The following MYOCD variants were observed in gnomAD, a reference collection of about 807,000 sequenced individuals.
MYOCD encodes myocardin.
MYOCD carries 32 observed loss-of-function variants against 96.1 expected under a neutral mutation model. That is an observed-to-expected ratio of 0.33 (90% CI 0.25 to 0.45). The LOEUF is 0.45. MYOCD is among the 20% of genes least tolerant of loss of function. MYOCD has a pLI of 1.00. For synonymous variants in MYOCD, 469 were observed against 469.0 expected (o/e 1.00, Z 0.00); for missense variants, 1,133 against 1,200.6 (o/e 0.94, Z 0.83).
chr17:12,728,213 A>G (rs1050254383), intron 5 of MYOCD, among the ~76,000 whole-genome samples: 1 of 151,980 alleles, frequency 6.6e-6, no homozygotes, highest in East Asian at 1.9e-4. Flanking sequence ...AGACCCCTAC[A>G]GGCTTACTTC....
At chr17:12,749,697 G>GGATACATATGTGTATATATA (rs2032781544) in intron 9 of MYOCD, among the ~76,000 whole-genome samples, 1 of 3,806 alleles carries the variant, frequency 2.6e-4, no homozygotes, top group African/African-American at 4.9e-4. Context: ...GTGTATATAT[G>GGATACATATGTGTATATATA]TATACATATG....
At position 12,752,735 on chromosome 17, in the gene MYOCD, G is replaced by C; in HGVS notation, c.1447G>C (p.Gly483Arg). ...DTFNDASPSF[G>R]LHPSPVHVCT... is the part of the protein sequence containing the mutation. ...CTTCAATGATGCCTCCCCCTCCTTCGGCCTGCACCCGTCCCCAGTCCACGT... is the reference window on the plus strand; with the variant it reads ...CTTCAATGATGCCTCCCCCTCCTTCCGCCTGCACCCGTCCCCAGTCCACGT... The change falls in exon 10 of 14, where the codon GGC becomes CGC. Residue 483 changes from glycine (G) to arginine (R), a missense_variant. By Grantham distance (125) the Gly-to-Arg change is moderately radical (BLOSUM62 -2). Coordinates refer to ENST00000425538, the MANE Select transcript of MYOCD (RefSeq NM_001146312.3). 2 of 1,614,014 alleles carry C rather than the reference G, an allele frequency of 1.2e-6. No homozygotes were observed. The highest frequency in any genetic ancestry group is 1.7e-6 in the Non-Finnish European group (2 of 1,179,992).
In MYOCD at chr17:12,739,198, T is replaced by G. The variant is rs1567593389; in HGVS notation, c.592-5T>G. ...TTCCTAATATCGGTAACATTTGGAT[T>G]TCAGGATCTTGCTTCTGGCTCAGAA... On this transcript the variant is annotated splice_region_variant and splice_polypyrimidine_tract_variant and intron_variant, in intron 6 of 13. Transcript: ENST00000425538. 2 of 1,604,218 alleles carry G rather than the reference T, an allele frequency of 1.2e-6. No individual in the cohort carries two copies. The highest frequency in any genetic ancestry group is 1.7e-6 in the Non-Finnish European group (2 of 1,176,332).
chr17:12,712,896 G>A (rs1205170920), intron 2 of MYOCD, among the ~76,000 whole-genome samples: 1 of 152,130 alleles, frequency 6.6e-6, no homozygotes, highest in Admixed American at 6.5e-5. Flanking sequence ...AGCAGAAGTG[G>A]TTTTTTGTGT....
At chr17:12,718,998 A>G (rs974966135) in intron 4 of MYOCD, among the ~76,000 whole-genome samples, 1 of 151,164 alleles carries the variant, frequency 6.6e-6, no homozygotes, top group Admixed American at 6.6e-5. Flanking sequence ...ACACCGTGAA[A>G]CCCCATCTCT....
chr17:12,749,717 A>ATACATATATGTATATATATG lies in MYOCD; in HGVS notation c.1126-2696_1126-2695insACATATATGTATATATATGT, dbSNP rs548373868. 6.0e-4 allele frequency among the ~76,000 whole-genome samples: 88 copies of ATACATATATGTATATATATG among 147,668 alleles called. No individual in the cohort carries two copies. The East Asian group carries it at 0.011, about 18-fold the overall frequency. On this transcript the variant is annotated intron_variant, in intron 9 of 13. Transcript: ENST00000425538. ...TATATGTATACATATGTGTATATAT[A>ATACATATATGTATATATATG]TGTGTGTGTGTATATATATATATGA...
intron 10 of MYOCD, among the ~76,000 whole-genome samples, chr17:12,754,074 GTA>G (rs58405189): frequency 0.23 from 34,573 of 149,992 alleles, 4,381 homozygotes; most frequent in South Asian, 0.34. Context: ...GTGTGTGTGT[GTA>G]TGTGTGTGTG....
chr17:12,714,575 A>C (rs915423493), intron 2 of MYOCD, among the ~76,000 whole-genome samples: 5 of 152,216 alleles, frequency 3.3e-5, no homozygotes, highest in Non-Finnish European at 7.3e-5. Context: ...AAAAGTGATT[A>C]TTTGTGGCTC....
chr17:12,710,074 C>T (rs1253144165), intron 2 of MYOCD, among the ~76,000 whole-genome samples: 2 of 152,122 alleles, frequency 1.3e-5, no homozygotes, highest in African/African-American at 4.8e-5. Flanking sequence ...TGTTTCAAAG[C>T]GCTTCCAGTC....
Position 12,766,930 on chromosome 17 carries a change from A to ATATTCTAT in MYOCD, c.*3288_*3295dup, listed in dbSNP as rs2033354287. ...TCTATCAACGTTATTGAGACAACAC[A>ATATTCTAT]TATTCTATTCTAAGGGAGAAAGAGG... is the stretch of plus-strand genomic sequence containing the variant. On this transcript the variant is annotated 3_prime_UTR_variant, in exon 14 of 14. Coordinates refer to ENST00000425538, the MANE Select transcript of MYOCD (RefSeq NM_001146312.3). The ATATTCTAT allele has an allele frequency of 6.6e-6, 1 of 151,538 alleles. No homozygotes were observed. The highest frequency in any genetic ancestry group is 6.6e-5 in the Admixed American group (1 of 15,214). 9.4% of individuals were successfully genotyped at this position (151,538 alleles called of 1,614,324 possible).
intron 1 of MYOCD, among the ~76,000 whole-genome samples, chr17:12,702,306 A>G (rs1482651477): frequency 1.3e-5 from 2 of 151,946 alleles, no homozygotes; most frequent in African/African-American, 4.8e-5. Flanking sequence ...TCCATTATTT[A>G]TCTCTGACAA....
chr17:12,686,555 C>T (rs1014388898), intron 1 of MYOCD, among the ~76,000 whole-genome samples: 1 of 152,210 alleles, frequency 6.6e-6, no homozygotes, highest in Non-Finnish European at 1.5e-5. Flanking sequence ...CTGTACAACA[C>T]TCAAGTTATA....
intron 1 of MYOCD, among the ~76,000 whole-genome samples, chr17:12,697,926 ATTAGAG>A (rs943055589): frequency 6.6e-6 from 1 of 152,190 alleles, no homozygotes; most frequent in African/African-American, 2.4e-5. Flanking sequence ...TTTGGGATAA[ATTAGAG>A]TTAGAGCCTA....
rs1333306250 is a variant in MYOCD at position 12,764,949 on chromosome 17, A to G, written c.*1305A>G. On this transcript the variant is annotated 3_prime_UTR_variant, in exon 14 of 14. Transcript: ENST00000425538. The stretch of plus-strand genomic sequence containing the variant: ...GTCCATCAGTCACGAAGTTCTTTCT[A>G]TTCTCGTTTAGTTTTCAAGAAATTA... 1.3e-5 allele frequency: 2 copies of G among 152,220 alleles called. No homozygotes were observed. The highest frequency in any genetic ancestry group is 2.4e-5 in the African/African-American group (1 of 41,468). The allele number at this position is 152,220 out of a possible 1,614,324, so 9.4% of individuals were successfully genotyped here. A position where few individuals can be genotyped will look rare whatever the true frequency, so the allele number is the denominator to read the frequency against.
chr17:12,740,825 G>A (rs868245484), intron 7 of MYOCD, among the ~76,000 whole-genome samples: 4 of 151,746 alleles, frequency 2.6e-5, no homozygotes, highest in East Asian at 3.9e-4. Flanking sequence ...CGCAACCTCC[G>A]CCTCCCAGGT....
chr17:12,681,669 C>CCT (rs1910476405), intron 1 of MYOCD, among the ~76,000 whole-genome samples: 2 of 152,268 alleles, frequency 1.3e-5, no homozygotes, highest in South Asian at 4.1e-4. Context: ...CGGGACATCC[C>CCT]TTAGGATGAA....
rs532218335 is a variant in MYOCD at position 12,699,544 on chromosome 17, C to A, written c.56-5584C>A. On this transcript the variant is annotated intron_variant, in intron 1 of 13. Transcript: ENST00000425538. ...CTAACCTCTCAGCCTTTCTCCAGCC[C>A]TATATCTCAATTGTTTATCAGGCAC... Among the ~76,000 whole-genome samples, 10 of 152,314 alleles carry A rather than the reference C, an allele frequency of 6.6e-5. No homozygotes were observed. The East Asian group carries it at 1.9e-3, about 29-fold the overall frequency.
chr17:12,756,436 A>G lies in MYOCD; in HGVS notation c.2081A>G (p.His694Arg), dbSNP rs959659865. The change falls in exon 11 of 14, where the codon CAT (histidine) becomes CGT (arginine). Residue 694 changes from histidine to arginine, a missense_variant. Transcript: ENST00000425538. The stretch of plus-strand genomic sequence containing the variant: ...CAGAACTCAGGAGCACACGATGGCC[A>G]TCCTCCAAGCTTCTCTCCCCATTCT... The part of the protein sequence containing the change: ...TAQNSGAHDG[H>R]PPSFSPHSSS... The G allele has an allele frequency of 1.4e-5, 22 of 1,552,084 alleles. No individual in the cohort carries two copies. In the Admixed American group the frequency reaches 4.3e-4, roughly 30 times the overall value.
chr17:12,744,524 A>G (rs1034290730), intron 8 of MYOCD, 88 bp downstream of exon 8: 48 of 1,485,768 alleles, frequency 3.2e-5, no homozygotes, highest in Non-Finnish European at 5.4e-6. Context: ...CATGGGGCCT[A>G]GCAAGTCCTG....
Sources: gnomAD v4.1 joint callset for allele counts (sites outside exome capture counted in the v4.1 genomes callset) on GRCh38, gnomAD v4.1.1 for gene constraint, MANE v1.5 for transcripts, NCBI Gene and HGNC (gene_info 2026-07-23, HGNC 2026-07-21) for gene names.